NCAM2: variants seen among roughly 807,000 people sequenced by gnomAD.
NCAM2 encodes the protein N-CAM-2.
A neutral mutation model predicts 98.1 loss-of-function variants in NCAM2; 30 were observed. That is an observed-to-expected ratio of 0.31 (90% CI 0.23 to 0.41). The LOEUF (loss-of-function observed/expected upper bound fraction) is 0.41, where lower values mean the gene tolerates loss of function less well. Ranked by LOEUF, NCAM2 falls within the 10% of genes least tolerant of loss-of-function variation. The probability of loss-of-function intolerance (pLI) is 1.00; values close to 1 mark genes in which losing one functional copy is unlikely to be tolerated. For missense variants in NCAM2, 867 were observed against 1,005.8 expected (o/e 0.86, Z 1.87); for synonymous variants, 368 against 342.4 (o/e 1.07, Z -0.83).
chr21:21,516,473 A>G (rs1988719160), intron 16 of NCAM2, among the ~76,000 whole-genome samples: 1 of 152,276 alleles, frequency 6.6e-6, no homozygotes, highest in South Asian at 2.1e-4. Context: ...AAATTGAAAA[A>G]CAAAGGCTTT....
chr21:21,238,578 A>T (rs1367955195), intron 1 of NCAM2, among the ~76,000 whole-genome samples: 1 of 151,054 alleles, frequency 6.6e-6, no homozygotes, highest in East Asian at 2.0e-4. Context: ...AATTAAATTT[A>T]AAAATATATT....
intron 9 of NCAM2, among the ~76,000 whole-genome samples, chr21:21,386,360 C>T (rs1488161518): frequency 6.6e-6 from 1 of 152,102 alleles, no homozygotes; most frequent in Non-Finnish European, 1.5e-5. Flanking sequence ...TGTCTTATGA[C>T]CCTGACTTTT....
chr21:21,110,690 A>G (rs767127896), intron 1 of NCAM2, among the ~76,000 whole-genome samples: 2 of 151,634 alleles, frequency 1.3e-5, no homozygotes, highest in African/African-American at 2.4e-5. Flanking sequence ...GATTTTATTA[A>G]AACAATTATT....
At chr21:21,258,690 G>A (rs577522519) in intron 1 of NCAM2, among the ~76,000 whole-genome samples, 3 of 152,178 alleles carry the variant, frequency 2.0e-5, no homozygotes, top group South Asian at 2.1e-4. Flanking sequence ...GGTGGCAGGC[G>A]CCATACTGTT....
chr21:21,114,029 G>T (rs1185118263), intron 1 of NCAM2, among the ~76,000 whole-genome samples: 1 of 152,128 alleles, frequency 6.6e-6, no homozygotes, highest in African/African-American at 2.4e-5. Flanking sequence ...GCTGTAGCTT[G>T]TGTAGCCATC....
At chr21:21,117,850 C>A (rs976506893) in intron 1 of NCAM2, among the ~76,000 whole-genome samples, 1 of 152,012 alleles carries the variant, frequency 6.6e-6, no homozygotes, top group African/African-American at 2.4e-5. Flanking sequence ...CATTTGGTCA[C>A]CAATTTAAAC....
chr21:21,157,266 C>A (rs1006942321), intron 1 of NCAM2, among the ~76,000 whole-genome samples: 5 of 152,254 alleles, frequency 3.3e-5, no homozygotes, highest in African/African-American at 1.2e-4. Flanking sequence ...CTAAAATAAA[C>A]TTCCACATTT....
rs57458011 is a variant in NCAM2 at position 21,311,335 on chromosome 21, A to AT, written c.620-13025dup. 7.7e-3 allele frequency among the ~76,000 whole-genome samples: 831 copies of AT among 108,580 alleles called. 9 individuals carry two copies. Among genetic ancestry groups the AT allele is most frequent in the African/African-American group, 0.018 (463 of 26,290 alleles). 71.2% of individuals were successfully genotyped at this position (108,580 alleles called of 152,430 possible). A position where few individuals can be genotyped will look rare whatever the true frequency, so the allele number is the denominator to read the frequency against. On this transcript the variant is annotated intron_variant, in intron 5 of 17. Coordinates refer to ENST00000400546, the MANE Select transcript of NCAM2 (RefSeq NM_004540.5). ...CAAAAGATGGTTACAAATATGGGGC[A>AT]TTTTTTTTTTTTTTTTTTTTTTTGA...
At chr21:21,521,962 A>G (rs979256457) in intron 16 of NCAM2, among the ~76,000 whole-genome samples, 6 of 150,814 alleles carry the variant, frequency 4.0e-5, no homozygotes, top group Non-Finnish European at 7.4e-5. Flanking sequence ...AAATGCCCAC[A>G]TATATACATC....
intron 1 of NCAM2, among the ~76,000 whole-genome samples, chr21:21,192,967 A>C (rs2068874632): frequency 6.6e-6 from 1 of 152,202 alleles, no homozygotes; most frequent in South Asian, 2.1e-4. Context: ...AACTTTATGA[A>C]AGATACAAGA....
At chr21:21,279,408 G>A (rs1361906240) in intron 1 of NCAM2, among the ~76,000 whole-genome samples, 3 of 152,092 alleles carry the variant, frequency 2.0e-5, no homozygotes, top group Non-Finnish European at 4.4e-5. Context: ...TGCCAGGCTG[G>A]ATTGCAGTCG....
chr21:21,027,372 T>C (rs903409268), intron 1 of NCAM2, among the ~76,000 whole-genome samples: 1 of 152,182 alleles, frequency 6.6e-6, no homozygotes, highest in Non-Finnish European at 1.5e-5. Flanking sequence ...ATTTGGTTCA[T>C]AGAGATGAAT....
At chr21:21,410,505 A>T in intron 10 of NCAM2, 44 bp downstream of exon 10, 1 of 1,096,622 alleles carries the variant, frequency 9.1e-7, no homozygotes, top group Non-Finnish European at 1.3e-6. Flanking sequence ...TATTTTAACA[A>T]CTATCTACTA....
chr21:21,264,678 CATAT>C (rs999347393), intron 1 of NCAM2, among the ~76,000 whole-genome samples: 1 of 149,116 alleles, frequency 6.7e-6, no homozygotes, highest in Non-Finnish European at 1.5e-5. Context: ...CACACACACA[CATAT>C]ATACACACAC....
intron 12 of NCAM2, among the ~76,000 whole-genome samples, chr21:21,445,116 G>C (rs2146098876): frequency 6.6e-6 from 1 of 152,234 alleles, no homozygotes; most frequent in African/African-American, 2.4e-5. Context: ...GGAGCAGATT[G>C]TTGAATGTCC....
chr21:21,064,218 C>T (rs191874937), intron 1 of NCAM2, among the ~76,000 whole-genome samples: 40 of 152,244 alleles, frequency 2.6e-4, no homozygotes, highest in African/African-American at 8.4e-4. Flanking sequence ...CCACTGAGGG[C>T]GTGCTAAGAA....
intron 1 of NCAM2, among the ~76,000 whole-genome samples, chr21:21,157,171 T>C (rs2067641462): frequency 6.6e-6 from 1 of 152,212 alleles, no homozygotes; most frequent in Admixed American, 6.5e-5. Context: ...TCAACTAATA[T>C]GTTACTCATT....
At chr21:21,195,124 G>T (rs2068959801) in intron 1 of NCAM2, among the ~76,000 whole-genome samples, 1 of 152,094 alleles carries the variant, frequency 6.6e-6, no homozygotes, top group African/African-American at 2.4e-5. Context: ...AGGAAATATA[G>T]GAATGGAGAA....
At chr21:21,382,982 A>C (rs1271533619) in intron 9 of NCAM2, among the ~76,000 whole-genome samples, 1 of 152,108 alleles carries the variant, frequency 6.6e-6, no homozygotes, top group Non-Finnish European at 1.5e-5. Context: ...TGATAAGCAA[A>C]GCTGCTCTAA....
Sources: allele counts gnomAD v4.1 joint callset (sites outside exome capture counted in the v4.1 genomes callset), GRCh38; gene constraint gnomAD v4.1.1; transcripts MANE v1.5; gene names NCBI Gene and HGNC (gene_info 2026-07-23, HGNC 2026-07-21).